Variants in ARSB observed in about 807,000 individuals in gnomAD.
ARSB encodes the protein arylsulfatase B.
ARSB carries 41 observed loss-of-function variants against 50.9 expected under a neutral mutation model. That is an observed-to-expected ratio of 0.81 (90% CI 0.63 to 1.04). The LOEUF is 1.04. Among genes scored for constraint, ARSB ranks in the 50% least tolerant of loss-of-function variants. ARSB has a pLI of 0.00. For missense variants in ARSB, 672 were observed against 693.3 expected (o/e 0.97, Z 0.35); for synonymous variants, 269 against 284.8 (o/e 0.94, Z 0.56).
rs372760182 is a variant in ARSB, at chr5:78,892,131, T to A, written c.899-6304A>T. ...ACACAGAACAGAATAGGCTCCTATC[T>A]GGATATTTACTAAACATATATTAGA... On this transcript the variant is annotated intron_variant, in intron 4 of 7. Transcript: ENST00000264914. 5.9e-5 allele frequency among the ~76,000 whole-genome samples: 9 copies of A among 152,248 alleles called. No homozygotes were observed. The East Asian group carries it at 9.7e-4, about 16-fold the overall frequency.
chr5:78,787,303 T>C (rs943327492), intron 6 of ARSB, among the ~76,000 whole-genome samples: 7 of 152,188 alleles, frequency 4.6e-5, no homozygotes, highest in Admixed American at 4.6e-4. Context: ...AGCTTAGTAG[T>C]AACCTTAGAA....
chr5:78,888,378 TAGA>T (rs1247709304), intron 4 of ARSB, among the ~76,000 whole-genome samples: 3 of 152,336 alleles, frequency 2.0e-5, no homozygotes, highest in East Asian at 1.9e-4. Context: ...TATCGAAACT[TAGA>T]AGAAGGTGCT....
intron 4 of ARSB, among the ~76,000 whole-genome samples, chr5:78,942,176 CTTCT>C (rs1394780715): frequency 3.3e-5 from 5 of 152,100 alleles, no homozygotes; most frequent in South Asian, 4.2e-4. Context: ...TCTCTCTTTT[CTTCT>C]TTATTAGTCT....
At chr5:78,969,898 C>G (rs1440744878) in intron 1 of ARSB, among the ~76,000 whole-genome samples, 1 of 152,194 alleles carries the variant, frequency 6.6e-6, no homozygotes, top group African/African-American at 2.4e-5. Context: ...GGATTACAGG[C>G]TTAAGCCACC....
At chr5:78,949,327 G>C (rs1751396196) in intron 4 of ARSB, among the ~76,000 whole-genome samples, 1 of 152,156 alleles carries the variant, frequency 6.6e-6, no homozygotes, top group Non-Finnish European at 1.5e-5. Flanking sequence ...TGTACTAATG[G>C]ACTCAACATT....
intron 5 of ARSB, among the ~76,000 whole-genome samples, chr5:78,864,655 C>G (rs1746619073): frequency 6.6e-6 from 1 of 152,224 alleles, no homozygotes; most frequent in African/African-American, 2.4e-5. Context: ...TCAGCATTAA[C>G]TCAAAAGTCC....
chr5:78,881,084 T>G (rs991461585), intron 5 of ARSB, among the ~76,000 whole-genome samples: 5 of 151,992 alleles, frequency 3.3e-5, no homozygotes, highest in Non-Finnish European at 5.9e-5. Flanking sequence ...ATACAAAAAT[T>G]AGCTGGGTAT....
chr5:78,898,393 T>C (rs1580018173), intron 4 of ARSB, among the ~76,000 whole-genome samples: 1 of 152,184 alleles, frequency 6.6e-6, no homozygotes, highest in Admixed American at 6.5e-5. Flanking sequence ...AAAAAATAGA[T>C]AGGAATCCTG....
chr5:78,959,591 T>TA lies in ARSB; in HGVS notation c.691-4090dup, dbSNP rs1751894452. Reference sequence around the variant, plus strand: ...TTTTAAGTTGACACTCTTGAGGGGTTAAAAATAAGAAACTATACCAGTCCA... The same window carrying TA: ...TTTTAAGTTGACACTCTTGAGGGGTTAAAAAATAAGAAACTATACCAGTCCA... On this transcript the variant is annotated intron_variant, in intron 3 of 7. Coordinates refer to ENST00000264914, the MANE Select transcript of ARSB (RefSeq NM_000046.5). Among the ~76,000 whole-genome samples the TA allele has an allele frequency of 2.0e-5, 3 of 152,144 alleles. No individual in the cohort carries two copies. In the South Asian group the frequency reaches 6.2e-4, roughly 32 times the overall value.
At chr5:78,888,739 G>T (rs1030658163) in intron 4 of ARSB, among the ~76,000 whole-genome samples, 3 of 136,652 alleles carry the variant, frequency 2.2e-5, no homozygotes, top group African/African-American at 7.8e-5. Context: ...AAAATTCTCC[G>T]GGTTGTACAG....
chr5:78,891,046 A>G (rs1309878609), intron 4 of ARSB, among the ~76,000 whole-genome samples: 1 of 152,200 alleles, frequency 6.6e-6, no homozygotes, highest in Non-Finnish European at 1.5e-5. Flanking sequence ...GCTTCTCAAG[A>G]GCAAAAAGTT....
At chr5:78,915,404 T>A (rs2112331747) in intron 4 of ARSB, among the ~76,000 whole-genome samples, 1 of 152,286 alleles carries the variant, frequency 6.6e-6, no homozygotes, top group Non-Finnish European at 1.5e-5. Context: ...GCATTGAGGA[T>A]CGTGATTAGG....
intron 5 of ARSB, among the ~76,000 whole-genome samples, chr5:78,849,415 A>G (rs1035327451): frequency 6.6e-6 from 1 of 151,946 alleles, no homozygotes; most frequent in Non-Finnish European, 1.5e-5. Context: ...GTTCTGTTCC[A>G]TTGATCTATA....
intron 6 of ARSB, among the ~76,000 whole-genome samples, chr5:78,786,889 G>A (rs986298569): frequency 6.6e-6 from 1 of 152,076 alleles, no homozygotes; most frequent in Non-Finnish European, 1.5e-5. Flanking sequence ...TTACAGGCAT[G>A]AGCCACCATA....
At chr5:78,812,800 C>T (rs1372386897) in intron 6 of ARSB, among the ~76,000 whole-genome samples, 4 of 152,032 alleles carry the variant, frequency 2.6e-5, no homozygotes, top group African/African-American at 7.2e-5. Flanking sequence ...CAAGACCAGC[C>T]TGGGTAACAT....
At chr5:78,879,118 T>C (rs991147582) in intron 5 of ARSB, among the ~76,000 whole-genome samples, 2 of 152,238 alleles carry the variant, frequency 1.3e-5, no homozygotes, top group Non-Finnish European at 1.5e-5. Flanking sequence ...CCTCCCATAG[T>C]GCTGGGATTA....
chr5:78,802,829 AT>A (rs1453212146), intron 6 of ARSB, among the ~76,000 whole-genome samples: 2 of 152,176 alleles, frequency 1.3e-5, no homozygotes, highest in Non-Finnish European at 2.9e-5. Context: ...AAATGTTAGA[AT>A]TGTTCTGTTT....
chr5:78,906,594 T>C (rs957257441), intron 4 of ARSB, among the ~76,000 whole-genome samples: 4 of 152,302 alleles, frequency 2.6e-5, no homozygotes, highest in Admixed American at 1.3e-4. Flanking sequence ...ATTCACCTGA[T>C]TTTGTTTTCT....
chr5:78,792,535 A>C (rs1461717364), intron 6 of ARSB, among the ~76,000 whole-genome samples: 1 of 152,224 alleles, frequency 6.6e-6, no homozygotes, highest in African/African-American at 2.4e-5. Context: ...CTTTAGAACA[A>C]GCTCTTTTTC....
Sources: gnomAD v4.1 joint callset for allele counts (sites outside exome capture counted in the v4.1 genomes callset) on GRCh38, gnomAD v4.1.1 for gene constraint, MANE v1.5 for transcripts, NCBI Gene and HGNC (gene_info 2026-07-23, HGNC 2026-07-21) for gene names.